The following GPM6A variants were observed in gnomAD, a reference collection of about 807,000 sequenced individuals.
GPM6A encodes the protein neuronal membrane glycoprotein M6-a.
Under a neutral mutation model 32.1 loss-of-function variants are expected in GPM6A, and 7 were observed. The ratio of observed to expected loss-of-function variants is 0.22; its 90% CI spans 0.12 to 0.41. The LOEUF is 0.41. Ranked by LOEUF, GPM6A falls within the 10% of genes least tolerant of loss-of-function variation. The pLI, the probability that GPM6A is intolerant of heterozygous loss-of-function variation, is 1.00. For missense variants in GPM6A, 235 were observed against 347.2 expected (o/e 0.68, Z 2.57); for synonymous variants, 130 against 123.4 (o/e 1.05, Z -0.35).
At chr4:175,643,617 A>T (rs1045788090) in intron 4 of GPM6A, among the ~76,000 whole-genome samples, 1 of 152,160 alleles carries the variant, frequency 6.6e-6, no homozygotes, top group African/African-American at 2.4e-5. Context: ...ACATGAGCAG[A>T]GCAAGAGAGA....
chr4:175,983,472 A>T (rs1048598047), intron 1 of GPM6A, among the ~76,000 whole-genome samples: 1 of 152,208 alleles, frequency 6.6e-6, no homozygotes, highest in African/African-American at 2.4e-5. Context: ...ATTCCTAGTT[A>T]AAGAAATTTA....
chr4:175,691,962 CT>C (rs1367253462), intron 2 of GPM6A, among the ~76,000 whole-genome samples: 3 of 152,168 alleles, frequency 2.0e-5, no homozygotes, highest in Non-Finnish European at 4.4e-5. Flanking sequence ...CAGGTGGCCT[CT>C]GGAAGCCAGG....
At chr4:175,760,445 C>T (rs906171909) in intron 1 of GPM6A, among the ~76,000 whole-genome samples, 1 of 151,994 alleles carries the variant, frequency 6.6e-6, no homozygotes, top group Non-Finnish European at 1.5e-5. Flanking sequence ...ACACAACAAC[C>T]TTGGGGGACT....
chr4:175,867,631 A>G (rs1472215710), intron 1 of GPM6A, among the ~76,000 whole-genome samples: 3 of 152,044 alleles, frequency 2.0e-5, no homozygotes, highest in Non-Finnish European at 4.4e-5. Flanking sequence ...ATCTATTTCT[A>G]TTTCCATAGA....
At chr4:175,692,653 T>C (rs1049328169) in intron 2 of GPM6A, among the ~76,000 whole-genome samples, 3 of 152,138 alleles carry the variant, frequency 2.0e-5, no homozygotes, top group African/African-American at 7.2e-5. Flanking sequence ...TTATAACACT[T>C]CAATGAATAC....
intron 1 of GPM6A, among the ~76,000 whole-genome samples, chr4:175,837,207 G>A (rs1338757523): frequency 6.6e-6 from 1 of 152,110 alleles, no homozygotes; most frequent in African/African-American, 2.4e-5. Flanking sequence ...AAGGAATACA[G>A]GGAACCTCTA....
At chr4:175,913,099 T>C (rs567096359) in intron 1 of GPM6A, among the ~76,000 whole-genome samples, 4 of 152,340 alleles carry the variant, frequency 2.6e-5, no homozygotes, top group Admixed American at 2.6e-4. Context: ...TATAGACATA[T>C]GTCATTGCAA....
intron 2 of GPM6A, among the ~76,000 whole-genome samples, chr4:175,694,368 G>A (rs1744459268): frequency 6.6e-6 from 1 of 152,184 alleles, no homozygotes; most frequent in Non-Finnish European, 1.5e-5. Flanking sequence ...TTAAATTGTT[G>A]TGACCAAAAT....
At chr4:175,636,272 A>G (rs201865673) in intron 6 of GPM6A, among the ~76,000 whole-genome samples, 21,896 of 99,118 alleles carry the variant, frequency 0.22, 2,463 homozygotes, top group East Asian at 0.48. Context: ...ATATATATAT[A>G]TATATATATA....
intron 1 of GPM6A, among the ~76,000 whole-genome samples, chr4:175,747,584 T>C (rs1732160129): frequency 6.6e-6 from 1 of 152,172 alleles, no homozygotes; most frequent in Admixed American, 6.5e-5. Flanking sequence ...AAATATGCAA[T>C]AGCATTATGT....
intron 2 of GPM6A, among the ~76,000 whole-genome samples, chr4:175,674,333 A>G (rs1434763471): frequency 6.6e-6 from 1 of 152,134 alleles, no homozygotes; most frequent in East Asian, 1.9e-4. Flanking sequence ...ATGTGTCACC[A>G]TGCCCAGATA....
At chr4:175,858,466 A>T (rs1344061696) in intron 1 of GPM6A, among the ~76,000 whole-genome samples, 1 of 151,096 alleles carries the variant, frequency 6.6e-6, no homozygotes, top group African/African-American at 2.4e-5. Context: ...CAGGAGGAGG[A>T]GGTTGCAGTG....
intron 1 of GPM6A, among the ~76,000 whole-genome samples, chr4:175,927,593 G>A (rs76875010): frequency 6.6e-6 from 1 of 152,210 alleles, no homozygotes. Context: ...TAAGAATGAA[G>A]GTATAATTCG....
chr4:175,994,472 A>G (rs188872452), intron 1 of GPM6A, among the ~76,000 whole-genome samples: 9 of 152,236 alleles, frequency 5.9e-5, no homozygotes, highest in Admixed American at 4.6e-4. Flanking sequence ...GTGCATATAA[A>G]AGTTATGTTT....
intron 1 of GPM6A, among the ~76,000 whole-genome samples, chr4:175,742,332 G>A (rs557096709): frequency 2.6e-5 from 4 of 152,130 alleles, no homozygotes; most frequent in African/African-American, 9.6e-5. Context: ...AGATCAGTTT[G>A]CAAAATGGCT....
chr4:175,748,814 G>T (rs1225727889), intron 1 of GPM6A, among the ~76,000 whole-genome samples: 1 of 152,132 alleles, frequency 6.6e-6, no homozygotes, highest in African/African-American at 2.4e-5. Flanking sequence ...GCAATATAAG[G>T]ATGTTTTGTC....
At chr4:175,808,348 C>T (rs977041293) in intron 1 of GPM6A, among the ~76,000 whole-genome samples, 2 of 151,982 alleles carry the variant, frequency 1.3e-5, no homozygotes, top group African/African-American at 4.8e-5. Flanking sequence ...ATGAAGGGGT[C>T]TCTTGTCAAC....
chr4:175,986,816 T>C (rs771264267), intron 1 of GPM6A, among the ~76,000 whole-genome samples: 42 of 152,294 alleles, frequency 2.8e-4, no homozygotes, highest in Non-Finnish European at 5.0e-4. Context: ...CACCCCCTAA[T>C]TGAGCTCTTG....
At chr4:175,796,887 A>G (rs1290297257) in intron 1 of GPM6A, among the ~76,000 whole-genome samples, 1 of 152,158 alleles carries the variant, frequency 6.6e-6, no homozygotes, top group Admixed American at 6.5e-5. Flanking sequence ...CTGTCTAAAC[A>G]TGCTTTTAAA....
Sources: allele counts gnomAD v4.1 joint callset (sites outside exome capture counted in the v4.1 genomes callset), GRCh38; gene constraint gnomAD v4.1.1; transcripts MANE v1.5; gene names NCBI Gene and HGNC (gene_info 2026-07-23, HGNC 2026-07-21).